Variants in ANAPC10 observed in about 807,000 individuals in gnomAD.
ANAPC10 encodes the protein anaphase promoting complex subunit 10.
In ANAPC10, 12 loss-of-function variants were observed where a neutral mutation model predicts 22.0. That is an observed-to-expected ratio of 0.55 (90% CI 0.35 to 0.88). ANAPC10 has a LOEUF of 0.88. ANAPC10 is among the 40% of genes least tolerant of loss of function. ANAPC10 has a pLI of 0.01. For synonymous variants in ANAPC10, 65 were observed against 69.5 expected (o/e 0.94, Z 0.32); for missense variants, 188 against 220.9 (o/e 0.85, Z 0.94).
intron 4 of ANAPC10, among the ~76,000 whole-genome samples, chr4:145,009,129 G>A (rs970886262): frequency 2.6e-5 from 4 of 151,992 alleles, no homozygotes; most frequent in African/African-American, 7.3e-5. Flanking sequence ...AACTTACAAG[G>A]GATGTGAAGG....
intron 4 of ANAPC10, among the ~76,000 whole-genome samples, chr4:145,055,500 G>T (rs1741920085): frequency 6.6e-6 from 1 of 151,996 alleles, no homozygotes; most frequent in Admixed American, 6.6e-5. Context: ...AGAGGTTGTA[G>T]TGAGCCAATA....
chr4:145,018,984 G>A (rs944881163), intron 4 of ANAPC10, among the ~76,000 whole-genome samples: 3 of 152,028 alleles, frequency 2.0e-5, no homozygotes, highest in African/African-American at 7.2e-5. Flanking sequence ...GAGATAGACA[G>A]CAACACCATA....
At position 145,052,458 on chromosome 4, in the gene ANAPC10, C is replaced by T. The variant is rs772977697; in HGVS notation, c.327+12114G>A. Reference sequence around the variant, plus strand: ...AACCAGTTTACAGAGGTGGAATCCGCGTATTTTCTAATTTTAGTTGTTCTC... The same window carrying T: ...AACCAGTTTACAGAGGTGGAATCCGTGTATTTTCTAATTTTAGTTGTTCTC... On this transcript the variant is annotated intron_variant, in intron 4 of 4. Coordinates refer to ENST00000507656, the MANE Select transcript of ANAPC10 (RefSeq NM_001256706.2). Among the ~76,000 whole-genome samples the T allele has an allele frequency of 6.6e-5, 10 of 152,126 alleles. No individual in the cohort carries two copies. The South Asian group carries it at 8.3e-4, about 13-fold the overall frequency.
chr4:145,009,048 G>GACAA (rs1337743921), intron 4 of ANAPC10, among the ~76,000 whole-genome samples: 1 of 150,658 alleles, frequency 6.6e-6, no homozygotes, highest in Admixed American at 6.6e-5. Flanking sequence ...ACTAATAACA[G>GACAA]ACAGAGAGCC....
At chr4:145,030,259 A>G (rs912846593) in intron 4 of ANAPC10, among the ~76,000 whole-genome samples, 1 of 152,198 alleles carries the variant, frequency 6.6e-6, no homozygotes, top group African/African-American at 2.4e-5. Context: ...ACAGCCTCTC[A>G]ATTTCCAGAC....
intron 4 of ANAPC10, among the ~76,000 whole-genome samples, chr4:145,045,007 C>G (rs905136474): frequency 3.3e-5 from 5 of 151,646 alleles, no homozygotes; most frequent in African/African-American, 1.2e-4. Flanking sequence ...AGCTATTATG[C>G]CTACTTTTGC....
intron 3 of ANAPC10, among the ~76,000 whole-genome samples, chr4:145,066,991 A>C (rs542418637): frequency 2.0e-5 from 3 of 152,272 alleles, no homozygotes; most frequent in Non-Finnish European, 2.9e-5. Flanking sequence ...TTTCTAAGCC[A>C]TGAGTTATTA....
At chr4:145,036,752 GTAA>G (rs1738603257) in intron 4 of ANAPC10, among the ~76,000 whole-genome samples, 1 of 152,050 alleles carries the variant, frequency 6.6e-6, no homozygotes, top group African/African-American at 2.4e-5. Flanking sequence ...CTATGACTTA[GTAA>G]GTTAGCAAAA....
Position 145,012,037 on chromosome 4 carries a change from G to A in ANAPC10, c.328-16434C>T, listed in dbSNP as rs114416666. ...AGCAGCTTCCACTCAGGGACTGAGA[G>A]GAGTAAAGCATCTCAGTCTATCTGC... On this transcript the variant is annotated intron_variant, in intron 4 of 4. Transcript: ENST00000507656. Among the ~76,000 whole-genome samples, 653 of 152,134 alleles carry A rather than the reference G, an allele frequency of 4.3e-3. 9 individuals are homozygous for A. Among genetic ancestry groups the A allele is most frequent in the African/African-American group, 0.015 (618 of 41,472 alleles).
intron 4 of ANAPC10, among the ~76,000 whole-genome samples, chr4:145,037,884 C>T (rs1738833948): frequency 6.6e-6 from 1 of 150,702 alleles, no homozygotes; most frequent in Non-Finnish European, 1.5e-5. Context: ...AAGGTCTAGG[C>T]CCCAGTGAAC....
chr4:145,080,727 G>A (rs1745872868), intron 3 of ANAPC10, among the ~76,000 whole-genome samples: 1 of 151,958 alleles, frequency 6.6e-6, no homozygotes, highest in South Asian at 2.1e-4. Context: ...GACCAACATG[G>A]AGAAACCCCA....
chr4:145,046,639 G>C (rs955045471), intron 4 of ANAPC10, among the ~76,000 whole-genome samples: 4 of 152,044 alleles, frequency 2.6e-5, no homozygotes, highest in Non-Finnish European at 4.4e-5. Context: ...TGATGCTGTA[G>C]TTTCAAAGAA....
rs761442053 is a variant in ANAPC10, at chr4:145,096,109, A to G, written c.-10T>C. ...TGTTTGGTGTAGTCATTTTTAAAAT[A>G]TTCTATGTAGAAAACAAGAATGCAC... On this transcript the variant is annotated splice_region_variant and 5_prime_UTR_variant, in exon 2 of 5. Transcript: ENST00000507656. 1 of 1,612,852 alleles carries G rather than the reference A, an allele frequency of 6.2e-7. No homozygotes were observed. The highest frequency in any genetic ancestry group is 8.5e-7 in the Non-Finnish European group (1 of 1,179,712).
chr4:145,068,586 T>G (rs1172406866), intron 3 of ANAPC10, among the ~76,000 whole-genome samples: 1 of 152,216 alleles, frequency 6.6e-6, no homozygotes, highest in East Asian at 1.9e-4. Context: ...TATAAATAAC[T>G]ATATTCTTCC....
chr4:145,052,962 G>A (rs1741358367), intron 4 of ANAPC10, among the ~76,000 whole-genome samples: 1 of 151,926 alleles, frequency 6.6e-6, no homozygotes. Context: ...CAGTCTCAGG[G>A]AAGAAGTAGG....
At chr4:145,013,594 T>A (rs1269058043) in intron 4 of ANAPC10, among the ~76,000 whole-genome samples, 1 of 152,176 alleles carries the variant, frequency 6.6e-6, no homozygotes, top group South Asian at 2.1e-4. Flanking sequence ...GGCAGTAGAT[T>A]GCAGCTCTGA....
chr4:145,059,490 C>A (rs960795585), intron 4 of ANAPC10, among the ~76,000 whole-genome samples: 1 of 152,066 alleles, frequency 6.6e-6, no homozygotes, highest in African/African-American at 2.4e-5. Flanking sequence ...TTCACTTAAG[C>A]ACTCGATCTT....
At chr4:145,004,660 T>C (rs1408069956) in intron 4 of ANAPC10, among the ~76,000 whole-genome samples, 8 of 152,198 alleles carry the variant, frequency 5.3e-5, no homozygotes, top group Admixed American at 2.6e-4. Context: ...TTGATCTGCA[T>C]GTGTTGAACC....
chr4:145,077,401 A>G (rs1263520817), intron 3 of ANAPC10, among the ~76,000 whole-genome samples: 1 of 152,128 alleles, frequency 6.6e-6, no homozygotes, highest in African/African-American at 2.4e-5. Context: ...CTCGCTAAGG[A>G]GGTCAACATT....
Sources: allele counts gnomAD v4.1 joint callset (sites outside exome capture counted in the v4.1 genomes callset), GRCh38; gene constraint gnomAD v4.1.1; transcripts MANE v1.5; gene names NCBI Gene and HGNC (gene_info 2026-07-23, HGNC 2026-07-21).